Variants in C12orf42 observed in about 807,000 individuals in gnomAD.
C12orf42 encodes the protein uncharacterized protein C12orf42.
C12orf42 carries 25 observed loss-of-function variants against 21.6 expected under a neutral mutation model. The ratio of observed to expected loss-of-function variants is 1.16; its 90% CI spans 0.84 to 1.62. C12orf42 has a LOEUF of 1.62. C12orf42 is among the 40% of genes most tolerant of loss of function. The pLI, the probability that C12orf42 is intolerant of heterozygous loss-of-function variation, is 0.00. For missense variants in C12orf42, 483 were observed against 459.3 expected, an observed-to-expected ratio of 1.05 and a Z score of -0.47; for synonymous variants, 174 against 175.0, an observed-to-expected ratio of 0.99 and a Z score of 0.05.
the C12orf42 span, among the ~76,000 whole-genome samples, chr12:103,172,782 A>G: frequency 2.0e-5 from 3 of 152,326 alleles, no homozygotes; most frequent in African/African-American, 4.8e-5. Context: ...AAAGAAGAAC[A>G]TAGTATAATA....
chr12:103,342,579 A>G (rs1312051800), intron 4 of C12orf42, among the ~76,000 whole-genome samples: 1 of 152,136 alleles, frequency 6.6e-6, no homozygotes. Context: ...CCTGTAAGTT[A>G]GAAAACACAT....
At chr12:103,485,532 G>C (rs1015650902) in intron 1 of C12orf42, among the ~76,000 whole-genome samples, 1 of 152,114 alleles carries the variant, frequency 6.6e-6, no homozygotes, top group African/African-American at 2.4e-5. Flanking sequence ...GCTTGATGGG[G>C]ATAGCACTGA....
chr12:103,397,173 G>T (rs1303516244), intron 3 of C12orf42, among the ~76,000 whole-genome samples: 1 of 152,200 alleles, frequency 6.6e-6, no homozygotes, highest in Non-Finnish European at 1.5e-5. Context: ...ATCCTTGATG[G>T]TCTGTATAGC....
intron 4 of C12orf42, among the ~76,000 whole-genome samples, chr12:103,285,098 T>C (rs1201252767): frequency 6.6e-6 from 1 of 152,168 alleles, no homozygotes; most frequent in East Asian, 1.9e-4. Flanking sequence ...ACTCATGAGC[T>C]AGAACATCAG....
intron 5 of C12orf42, among the ~76,000 whole-genome samples, chr12:103,305,139 C>T (rs897346157): frequency 1.3e-5 from 2 of 152,130 alleles, no homozygotes; most frequent in Non-Finnish European, 2.9e-5. Flanking sequence ...AGAAAGTTTA[C>T]GAATTTGTGT....
the C12orf42 span, among the ~76,000 whole-genome samples, chr12:103,545,035 C>T: frequency 9.2e-5 from 14 of 152,176 alleles, no homozygotes; most frequent in South Asian, 2.1e-4. Context: ...AAAAACTCAA[C>T]TTAGCTGGGG....
chr12:103,147,522 GTTCT>G, the C12orf42 span, among the ~76,000 whole-genome samples: 2 of 52,506 alleles, frequency 3.8e-5, no homozygotes, highest in African/African-American at 1.6e-4. Flanking sequence ...TTTTTTTTTG[GTTCT>G]TTCTGATGAA....
intron 2 of C12orf42, among the ~76,000 whole-genome samples, chr12:103,467,554 G>A (rs573910836): frequency 6.6e-6 from 1 of 152,276 alleles, no homozygotes; most frequent in East Asian, 1.9e-4. Flanking sequence ...GGACCCGCTG[G>A]AGGGTAGAAC....
At chr12:103,485,139 G>T (rs1356575243) in intron 1 of C12orf42, among the ~76,000 whole-genome samples, 1 of 152,092 alleles carries the variant, frequency 6.6e-6, no homozygotes, top group Non-Finnish European at 1.5e-5. Context: ...AAAGTGCTGG[G>T]ATTACAGGCA....
At chr12:103,387,593 G>A (rs543587778) in intron 3 of C12orf42, among the ~76,000 whole-genome samples, 64 of 152,314 alleles carry the variant, frequency 4.2e-4, no homozygotes, top group African/African-American at 1.4e-3. Flanking sequence ...CAGGGATGGC[G>A]GTTGCATCAT....
the C12orf42 span, chr12:103,505,420 A>C: frequency 2.8e-6 from 1 of 360,040 alleles, no homozygotes; most frequent in Non-Finnish European, 5.2e-6. Flanking sequence ...TTGACTGGTA[A>C]CCACCTGAGA....
chr12:103,532,689 T>G, the C12orf42 span, among the ~76,000 whole-genome samples: 1 of 152,244 alleles, frequency 6.6e-6, no homozygotes, highest in Non-Finnish European at 1.5e-5. Context: ...CTCTCAGATC[T>G]ATGACCTCCA....
chr12:103,532,187 T>C, the C12orf42 span, among the ~76,000 whole-genome samples: 1 of 152,208 alleles, frequency 6.6e-6, no homozygotes, highest in African/African-American at 2.4e-5. Flanking sequence ...TTCTAACTCC[T>C]GGTGCTTCTC....
intron 4 of C12orf42, among the ~76,000 whole-genome samples, chr12:103,278,570 G>T (rs1377703167): frequency 6.6e-6 from 1 of 152,236 alleles, no homozygotes; most frequent in African/African-American, 2.4e-5. Flanking sequence ...GGCTGGGCAC[G>T]TGGCACCTGC....
chr12:103,269,073 C>A (rs1230958049), intron 6 of C12orf42: 1 of 152,136 alleles, frequency 6.6e-6, no homozygotes, highest in East Asian at 1.9e-4. Flanking sequence ...AGGGAAATGA[C>A]TTCTGATGAC....
chr12:103,156,329 G>T, the C12orf42 span: 2 of 152,136 alleles, frequency 1.3e-5, no homozygotes, highest in Admixed American at 1.3e-4. Flanking sequence ...GCATTTGGGG[G>T]TGGTAGTGAC....
chr12:103,444,663 A>G (rs1221316273), intron 2 of C12orf42, among the ~76,000 whole-genome samples: 5 of 152,084 alleles, frequency 3.3e-5, no homozygotes, highest in African/African-American at 7.2e-5. Flanking sequence ...GTGTCTTGAA[A>G]ACTTAACTAG....
At chr12:103,427,337 A>G (rs12820617) in intron 2 of C12orf42, among the ~76,000 whole-genome samples, 7,203 of 150,986 alleles carry the variant, frequency 0.048, 233 homozygotes, top group South Asian at 0.15. Flanking sequence ...GTCTCTGATA[A>G]AACAGACATT....
intron 4 of C12orf42, among the ~76,000 whole-genome samples, chr12:103,362,444 A>C (rs1026861903): frequency 1.3e-5 from 2 of 152,078 alleles, no homozygotes; most frequent in Non-Finnish European, 2.9e-5. Flanking sequence ...ATGACAAAAC[A>C]AGGTTCTTTA....
Sources: allele counts gnomAD v4.1 joint callset (sites outside exome capture counted in the v4.1 genomes callset), GRCh38; gene constraint gnomAD v4.1.1; transcripts MANE v1.5; gene names NCBI Gene and HGNC (gene_info 2026-07-23, HGNC 2026-07-21).